The following KCNQ5 variants were observed in gnomAD, a reference collection of about 807,000 sequenced individuals.
The protein encoded by KCNQ5 is potassium voltage-gated channel subfamily KQT member 5.
KCNQ5 carries 30 observed loss-of-function variants against 98.2 expected under a neutral mutation model. The observed-to-expected ratio is 0.31, with a 90% CI of 0.23 to 0.41. KCNQ5 has a LOEUF of 0.41. Ranked by LOEUF, KCNQ5 falls within the 10% of genes least tolerant of loss-of-function variation. The pLI, the probability that KCNQ5 is intolerant of heterozygous loss-of-function variation, is 1.00. For missense variants in KCNQ5, 835 were observed against 1,182.5 expected (o/e 0.71, Z 4.31); for synonymous variants, 458 against 449.4 (o/e 1.02, Z -0.24).
intron 1 of KCNQ5, among the ~76,000 whole-genome samples, chr6:72,691,104 C>G (rs1768194765): frequency 6.6e-6 from 1 of 152,064 alleles, no homozygotes. Context: ...TCAGTAAATT[C>G]AAAAGGAGTT....
rs756972244 is a variant in KCNQ5 at position 73,144,488 on chromosome 6, C to T, written c.1468+10847C>T. 3.9e-4 allele frequency among the ~76,000 whole-genome samples: 60 copies of T among 152,258 alleles called. 1 individual carries two copies. Among genetic ancestry groups the T allele is most frequent in the Admixed American group, 3.1e-3 (48 of 15,290 alleles). On this transcript the variant is annotated intron_variant, in intron 10 of 13. Coordinates refer to ENST00000370398, the MANE Select transcript of KCNQ5 (RefSeq NM_019842.4). ...TGCAGTAGCAATTGTTATACCACAT[C>T]GTTCTATTGGAATTGATGACTAATC...
chr6:73,183,915 G>A (rs895446156), intron 11 of KCNQ5, among the ~76,000 whole-genome samples: 1 of 152,138 alleles, frequency 6.6e-6, no homozygotes, highest in Admixed American at 6.6e-5. Context: ...GTGATTTTTG[G>A]AAGCACTGAT....
At chr6:72,862,243 C>T (rs138010003) in intron 1 of KCNQ5, among the ~76,000 whole-genome samples, 6 of 152,298 alleles carry the variant, frequency 3.9e-5, no homozygotes, top group Non-Finnish European at 8.8e-5. Flanking sequence ...CATAGAACTG[C>T]TTCTTGGAAA....
At chr6:72,831,368 G>A (rs1246547485) in intron 1 of KCNQ5, among the ~76,000 whole-genome samples, 1 of 152,126 alleles carries the variant, frequency 6.6e-6, no homozygotes, top group Non-Finnish European at 1.5e-5. Context: ...AGAAAATGTA[G>A]CACATATACA....
chr6:73,081,296 G>A (rs1773756275), intron 5 of KCNQ5, among the ~76,000 whole-genome samples: 1 of 152,020 alleles, frequency 6.6e-6, no homozygotes, highest in Admixed American at 6.5e-5. Flanking sequence ...GCTGGAAAAG[G>A]GGATCTTCTG....
At chr6:72,645,466 G>A (rs1383806749) in intron 1 of KCNQ5, among the ~76,000 whole-genome samples, 1 of 151,524 alleles carries the variant, frequency 6.6e-6, no homozygotes, top group African/African-American at 2.4e-5. Context: ...CATTCTTATT[G>A]CAGGTTGCCA....
chr6:72,662,129 C>T (rs556881289), intron 1 of KCNQ5, among the ~76,000 whole-genome samples: 3 of 152,188 alleles, frequency 2.0e-5, no homozygotes, highest in African/African-American at 7.2e-5. Flanking sequence ...ATTTAGAAAG[C>T]AATCTTTATT....
At chr6:72,949,369 T>G (rs1156925804) in intron 1 of KCNQ5, among the ~76,000 whole-genome samples, 1 of 152,172 alleles carries the variant, frequency 6.6e-6, no homozygotes, top group Non-Finnish European at 1.5e-5. Flanking sequence ...GATCCTTAGA[T>G]CCACCATGTT....
At chr6:73,068,732 C>T (rs1289167038) in intron 3 of KCNQ5, among the ~76,000 whole-genome samples, 2 of 152,180 alleles carry the variant, frequency 1.3e-5, no homozygotes, top group Non-Finnish European at 2.9e-5. Flanking sequence ...AATCCATCCT[C>T]ATTAGAAATC....
intron 5 of KCNQ5, among the ~76,000 whole-genome samples, chr6:73,092,725 A>G (rs144749588): frequency 1.2e-4 from 18 of 152,150 alleles, no homozygotes; most frequent in East Asian, 3.9e-4. Flanking sequence ...ATTGACTTGC[A>G]TATGTTAAAC....
intron 1 of KCNQ5, among the ~76,000 whole-genome samples, chr6:72,843,945 G>T (rs1461940055): frequency 6.6e-6 from 1 of 152,104 alleles, no homozygotes; most frequent in African/African-American, 2.4e-5. Flanking sequence ...TCGTATGTGG[G>T]AGTTGAACAA....
chr6:72,783,655 G>A (rs1773595504), intron 1 of KCNQ5, among the ~76,000 whole-genome samples: 1 of 152,164 alleles, frequency 6.6e-6, no homozygotes, highest in Non-Finnish European at 1.5e-5. Flanking sequence ...AAAGAAGGCA[G>A]AGCATATCAT....
chr6:73,089,388 GTTATTA>G (rs1582332987), intron 5 of KCNQ5, among the ~76,000 whole-genome samples: 1 of 152,084 alleles, frequency 6.6e-6, no homozygotes, highest in Non-Finnish European at 1.5e-5. Flanking sequence ...GAAAATGACT[GTTATTA>G]TTATACAGTG....
intron 1 of KCNQ5, among the ~76,000 whole-genome samples, chr6:72,725,975 C>T (rs1208434821): frequency 6.6e-6 from 1 of 152,016 alleles, no homozygotes; most frequent in Non-Finnish European, 1.5e-5. Flanking sequence ...GGATGCATCA[C>T]AGTCATAGCT....
intron 10 of KCNQ5, among the ~76,000 whole-genome samples, chr6:73,149,605 G>C (rs1404765514): frequency 6.6e-6 from 1 of 152,118 alleles, no homozygotes; most frequent in Non-Finnish European, 1.5e-5. Flanking sequence ...AGACCAGCCT[G>C]GCCAACATGG....
chr6:72,902,480 G>A (rs1779548749), intron 1 of KCNQ5, among the ~76,000 whole-genome samples: 2 of 152,294 alleles, frequency 1.3e-5, no homozygotes, highest in African/African-American at 4.8e-5. Context: ...CTCTGGGTTT[G>A]TCATACATGA....
chr6:72,979,697 A>G (rs967095480), intron 1 of KCNQ5, among the ~76,000 whole-genome samples: 2 of 152,084 alleles, frequency 1.3e-5, no homozygotes, highest in Non-Finnish European at 2.9e-5. Context: ...CCATTTGTCA[A>G]TTTTGGCTTC....
intron 11 of KCNQ5, among the ~76,000 whole-genome samples, chr6:73,172,829 A>G (rs192082727): frequency 6.6e-6 from 1 of 152,360 alleles, no homozygotes; most frequent in East Asian, 1.9e-4. Flanking sequence ...CTCTTGCAAT[A>G]GTAGTTTTTC....
At chr6:72,889,032 G>A (rs1778957573) in intron 1 of KCNQ5, among the ~76,000 whole-genome samples, 1 of 152,100 alleles carries the variant, frequency 6.6e-6, no homozygotes, top group Admixed American at 6.6e-5. Context: ...GGACATTAAA[G>A]ATTAGTAAAT....
Sources: gnomAD v4.1 joint callset for allele counts (sites outside exome capture counted in the v4.1 genomes callset) on GRCh38, gnomAD v4.1.1 for gene constraint, MANE v1.5 for transcripts, NCBI Gene and HGNC (gene_info 2026-07-23, HGNC 2026-07-21) for gene names.